Variants in CAMK4 observed in about 807,000 individuals in gnomAD.
CAMK4 encodes calcium/calmodulin-dependent protein kinase type IV.
CAMK4 carries 22 observed loss-of-function variants against 44.9 expected under a neutral mutation model. The ratio of observed to expected loss-of-function variants is 0.49; its 90% CI spans 0.35 to 0.70. The LOEUF (loss-of-function observed/expected upper bound fraction) is 0.70, where lower values mean the gene tolerates loss of function less well. CAMK4 is among the 30% of genes least tolerant of loss of function. The pLI is 0.01. For missense variants in CAMK4, 498 were observed against 586.8 expected (o/e 0.85, Z 1.56); for synonymous variants, 218 against 215.4 (o/e 1.01, Z -0.11).
intron 5 of CAMK4, among the ~76,000 whole-genome samples, chr5:111,397,816 T>A (rs365486): frequency 0.91 from 138,165 of 151,998 alleles, 62,877 homozygotes; most frequent in East Asian, 0.99. Context: ...ATATCACATG[T>A]GACAGTGGGT....
At chr5:111,273,689 A>ATATATATATATATT (rs1750619412) in intron 1 of CAMK4, among the ~76,000 whole-genome samples, 10 of 48,814 alleles carry the variant, frequency 2.0e-4, no homozygotes, top group Admixed American at 6.7e-4. Flanking sequence ...ATATATATAT[A>ATATATATATATATT]TATATATATA....
chr5:111,449,367 C>T (rs186927339), intron 7 of CAMK4, among the ~76,000 whole-genome samples, 164 bp downstream of exon 7: 1 of 152,260 alleles, frequency 6.6e-6, no homozygotes, highest in African/African-American at 2.4e-5. Flanking sequence ...CAGATCACTT[C>T]TTGTTTTCTA....
At chr5:111,464,225 C>T (rs1754744709) in intron 7 of CAMK4, among the ~76,000 whole-genome samples, 1 of 131,088 alleles carries the variant, frequency 7.6e-6, no homozygotes, top group South Asian at 2.5e-4. Flanking sequence ...CCTGAACAAG[C>T]AGAAGAAAGA....
intron 5 of CAMK4, among the ~76,000 whole-genome samples, chr5:111,427,774 G>C (rs988577844): frequency 2.6e-5 from 4 of 152,206 alleles, no homozygotes; most frequent in Non-Finnish European, 5.9e-5. Flanking sequence ...CCTGACTCCT[G>C]GACAGCACTT....
chr5:111,252,037 G>A (rs537054052), intron 1 of CAMK4, among the ~76,000 whole-genome samples: 1 of 152,184 alleles, frequency 6.6e-6, no homozygotes, highest in African/African-American at 2.4e-5. Flanking sequence ...CTGGAGTCGT[G>A]TTAGCATAAC....
intron 1 of CAMK4, among the ~76,000 whole-genome samples, chr5:111,308,538 C>A (rs1748044425): frequency 6.6e-6 from 1 of 152,132 alleles, no homozygotes; most frequent in Non-Finnish European, 1.5e-5. Context: ...GCAGATGAAA[C>A]TTAAAAATTA....
At chr5:111,284,095 T>C (rs548814147) in intron 1 of CAMK4, among the ~76,000 whole-genome samples, 12 of 152,060 alleles carry the variant, frequency 7.9e-5, no homozygotes, top group Non-Finnish European at 1.8e-4. Context: ...GAGGTAAAAA[T>C]TATAGTATCC....
rs763567462 is a variant in CAMK4 at position 111,374,909 on chromosome 5, C to T, written c.300C>T (p.Asn100=). The change falls in exon 3 of 11, where the codon AAC becomes AAT. Residue 100 remains asparagine, a synonymous_variant. Transcript: ENST00000282356. ...IGVLLRLSHP[N]IIKLKEIFET... The stretch of plus-strand genomic sequence containing the variant: ...TTCTTCTTCGCCTCTCACATCCAAA[C>T]ATTGTAAGTGGTTTTTAACCTACTA... 3.1e-6 allele frequency: 5 copies of T among 1,607,082 alleles called. No individual in the cohort carries two copies. The African/African-American group carries it at 6.7e-5, about 22-fold the overall frequency.
intron 1 of CAMK4, among the ~76,000 whole-genome samples, chr5:111,299,848 C>A (rs190734780): frequency 1.6e-4 from 25 of 152,086 alleles, no homozygotes; most frequent in Non-Finnish European, 1.9e-4. Flanking sequence ...TTCTATAACT[C>A]CTAATCATTT....
At chr5:111,266,902 A>C (rs985760637) in intron 1 of CAMK4, among the ~76,000 whole-genome samples, 1 of 152,222 alleles carries the variant, frequency 6.6e-6, no homozygotes, top group Non-Finnish European at 1.5e-5. Flanking sequence ...TTTCTATGCT[A>C]TAACAGCCTC....
intron 1 of CAMK4, among the ~76,000 whole-genome samples, chr5:111,246,903 T>C (rs1482328089): frequency 6.6e-6 from 1 of 152,200 alleles, no homozygotes; most frequent in Admixed American, 6.5e-5. Flanking sequence ...TAATGTTTAC[T>C]ATATCCCTTA....
At chr5:111,317,015 C>G (rs1748453976) in intron 1 of CAMK4, among the ~76,000 whole-genome samples, 1 of 152,068 alleles carries the variant, frequency 6.6e-6, no homozygotes, top group Non-Finnish European at 1.5e-5. Context: ...AAGCTTCTCT[C>G]CTTTGTTTTT....
chr5:111,445,527 C>T (rs746919985), intron 5 of CAMK4, among the ~76,000 whole-genome samples: 2 of 152,098 alleles, frequency 1.3e-5, no homozygotes, highest in Non-Finnish European at 2.9e-5. Context: ...CTCCTGGGCT[C>T]AAGTGATCCT....
intron 1 of CAMK4, among the ~76,000 whole-genome samples, chr5:111,228,509 G>GGTGTGTGT (rs373248608): frequency 0.078 from 11,396 of 145,234 alleles, 573 homozygotes; most frequent in African/African-American, 0.14. Context: ...CATAGTAAGG[G>GGTGTGTGT]GTGTGTGTGT....
intron 5 of CAMK4, among the ~76,000 whole-genome samples, chr5:111,440,885 T>C (rs1753799100): frequency 6.6e-6 from 1 of 152,194 alleles, no homozygotes; most frequent in South Asian, 2.1e-4. Flanking sequence ...ACAAAGGATG[T>C]GAAATAGCAA....
chr5:111,443,313 CACTA>C (rs1252758305), intron 5 of CAMK4, among the ~76,000 whole-genome samples: 5 of 116,622 alleles, frequency 4.3e-5, no homozygotes, highest in African/African-American at 6.4e-5. Context: ...CACACACACA[CACTA>C]TATATATATA....
intron 1 of CAMK4, among the ~76,000 whole-genome samples, chr5:111,231,502 A>G (rs1450594064): frequency 1.3e-5 from 2 of 152,226 alleles, no homozygotes; most frequent in Non-Finnish European, 2.9e-5. Flanking sequence ...TCCTCTTGAG[A>G]ATCATGTCTT....
In CAMK4 at chr5:111,263,218, A is replaced by T. The variant is rs144107055; in HGVS notation, c.161+38574A>T. On this transcript the variant is annotated intron_variant, in intron 1 of 10. Coordinates refer to ENST00000282356, the MANE Select transcript of CAMK4 (RefSeq NM_001744.6). ...GGTGTTTCATCAGTTTTCCATACCTATTATGTGAAATATATTTCATAAATA... is the reference window on the plus strand; with the variant it reads ...GGTGTTTCATCAGTTTTCCATACCTTTTATGTGAAATATATTTCATAAATA... Among the ~76,000 whole-genome samples the T allele has an allele frequency of 1.5e-4, 23 of 152,312 alleles. 1 individual carries two copies. In the East Asian group the frequency reaches 2.7e-3, roughly 18 times the overall value.
intron 5 of CAMK4, among the ~76,000 whole-genome samples, chr5:111,399,148 A>G (rs1175239525): frequency 6.6e-6 from 1 of 151,900 alleles, no homozygotes; most frequent in Non-Finnish European, 1.5e-5. Context: ...GTTCCTTCTC[A>G]TCACCCCAAC....
Sources: gnomAD v4.1 joint callset for allele counts (sites outside exome capture counted in the v4.1 genomes callset) on GRCh38, gnomAD v4.1.1 for gene constraint, MANE v1.5 for transcripts, NCBI Gene and HGNC (gene_info 2026-07-23, HGNC 2026-07-21) for gene names.